The following PLCXD1 variants were observed in gnomAD, a reference collection of about 807,000 sequenced individuals.
PLCXD1 encodes the protein phosphatidylinositol specific phospholipase C X domain containing 1, also known as PI-PLC X domain-containing protein 1.
A neutral mutation model predicts 37.8 loss-of-function variants in PLCXD1; 45 were observed. The observed-to-expected ratio is 1.19, with a 90% CI of 0.94 to 1.53. The LOEUF is 1.53. Among genes scored for constraint, PLCXD1 ranks in the 40% most tolerant of loss-of-function variants. The pLI is 0.00. For missense variants in PLCXD1, 539 were observed against 454.7 expected (o/e 1.19, Z -1.69); for synonymous variants, 246 against 206.9 (o/e 1.19, Z -1.62).
At chrX:289,295 G>C (rs1056818967) in intron 3 of PLCXD1, among the ~76,000 whole-genome samples, 14 of 152,126 alleles carry the variant, frequency 9.2e-5, no homozygotes, top group African/African-American at 3.4e-4. Context: ...TACCGTGTTA[G>C]TCAGGATGGT....
At chrX:296,909 TTTGGGGCCATTATTCTGTCTATCA>T (rs1422331501) in intron 6 of PLCXD1, among the ~76,000 whole-genome samples, 4,214 of 145,616 alleles carry the variant, frequency 0.029, no homozygotes, top group East Asian at 0.042. Context: ...CGTGGACATC[TTTGGGGCCATTATTCTGTCTATCA>T]CATGGGGATT....
At chrX:293,996 C>A (rs772546018) in intron 6 of PLCXD1, among the ~76,000 whole-genome samples, 1 of 152,082 alleles carries the variant, frequency 6.6e-6, no homozygotes, top group Non-Finnish European at 1.5e-5. Context: ...TTAGTTAATT[C>A]TTTGATTAGA....
At chrX:288,256 G>C (rs2069518975) in intron 2 of PLCXD1, among the ~76,000 whole-genome samples, 1 of 151,932 alleles carries the variant, frequency 6.6e-6, no homozygotes, top group African/African-American at 2.4e-5. Context: ...GACTTGAACA[G>C]CTCTTTTGGG....
Position 284,207 on chromosome X carries a change from C to T in PLCXD1, c.20C>T (p.Ala7Val), listed in dbSNP as rs767784272. 4 of 1,613,388 alleles carry T rather than the reference C, an allele frequency of 2.5e-6. No individual in the cohort carries two copies. Among genetic ancestry groups the T allele is most frequent in the Non-Finnish European group, 3.4e-6 (4 of 1,179,792 alleles). ...CCTCTGATGGGTGGGCAGGTGAGCG[C>T]TTCCAACAGCTTCTCGAGGCTGCAC... Reference protein sequence around the residue: MGGQVSASNSFSRLHCR... With the variant: MGGQVSVSNSFSRLHCR... The change falls in exon 2 of 7, where the codon GCT becomes GTT. Residue 7 changes from alanine (A) to valine (V), a missense_variant. Physicochemically the swap from Ala to Val is moderately conservative, Grantham distance 64 (BLOSUM62 0). Coordinates refer to ENST00000381657, the MANE Select transcript of PLCXD1 (RefSeq NM_018390.4).
chrX:299,673 C>T lies in PLCXD1; in HGVS notation c.*338C>T. 1 of 420,776 alleles carries T rather than the reference C, an allele frequency of 2.4e-6. No homozygotes were observed. Among genetic ancestry groups the T allele is most frequent in the Admixed American group, 4.0e-5 (1 of 24,834 alleles). 26.1% of individuals were successfully genotyped at this position (420,776 alleles called of 1,614,324 possible). On this transcript the variant is annotated 3_prime_UTR_variant, in exon 7 of 7. Coordinates refer to ENST00000381657, the MANE Select transcript of PLCXD1 (RefSeq NM_018390.4). Reference sequence around the variant, plus strand: ...TCGGGAGGCTCAGGCAGGAGAACTGCTTGAAGCCGGGAGATGGAGGTTGCA... The same window carrying T: ...TCGGGAGGCTCAGGCAGGAGAACTGTTTGAAGCCGGGAGATGGAGGTTGCA...
At chrX:284,370 G>T in intron 2 of PLCXD1, 56 bp downstream of exon 2, 2 of 1,601,644 alleles carry the variant, frequency 1.2e-6, no homozygotes, top group Non-Finnish European at 1.7e-6. Flanking sequence ...CGGCAGGGTG[G>T]GGCGGGAGCT....
chrX:300,913 G>A lies in PLCXD1; in HGVS notation c.*1578G>A, dbSNP rs924495694. On this transcript the variant is annotated 3_prime_UTR_variant, in exon 7 of 7. Transcript: ENST00000381657. ...AGACGGGGTTTCTCCGCGTTGGTCAGGCCGTTCTCAAACTTCTGACCTCAG... is the reference window on the plus strand; with the variant it reads ...AGACGGGGTTTCTCCGCGTTGGTCAAGCCGTTCTCAAACTTCTGACCTCAG... 1 of 152,138 alleles carries A rather than the reference G, an allele frequency of 6.6e-6. No individual in the cohort carries two copies. Among genetic ancestry groups the A allele is most frequent in the African/African-American group, 2.4e-5 (1 of 41,414 alleles). 9.4% of individuals were successfully genotyped at this position (152,138 alleles called of 1,614,324 possible). A position where few individuals can be genotyped will look rare whatever the true frequency, so the allele number is the denominator to read the frequency against.
At chrX:286,998 G>A (rs2069467252) in intron 2 of PLCXD1, among the ~76,000 whole-genome samples, 1 of 151,782 alleles carries the variant, frequency 6.6e-6, no homozygotes, top group African/African-American at 2.4e-5. Flanking sequence ...TTCCTCAGAG[G>A]ATGTAAAGGG....
At chrX:286,860 G>T (rs1370781218) in intron 2 of PLCXD1, among the ~76,000 whole-genome samples, 1 of 152,000 alleles carries the variant, frequency 6.6e-6, no homozygotes, top group East Asian at 1.9e-4. Flanking sequence ...TAGGCAAGGT[G>T]GGGGTAGGGG....
chrX:299,198 C>T lies in PLCXD1; in HGVS notation c.835C>T (p.Arg279Trp), dbSNP rs150834370. 6.8e-6 allele frequency: 11 copies of T among 1,613,760 alleles called. No homozygotes were observed. The highest frequency in any genetic ancestry group is 2.2e-5 in the East Asian group (1 of 44,890). The part of the protein sequence containing the change: ...LEKMTLPNLP[R>W]LSAWVREQCP... ...GAAGATGACGCTGCCCAACCTTCCG[C>T]GGCTGAGCGCGTGGGTCCGAGAGCA... is the stretch of plus-strand genomic sequence containing the variant. The change falls in exon 7 of 7, where the codon CGG (arginine) becomes TGG (tryptophan). Residue 279 changes from arginine (R) to tryptophan (W), a missense_variant. Arg to Trp is a moderately radical substitution (Grantham distance 101, BLOSUM62 -3). Coordinates refer to ENST00000381657, the MANE Select transcript of PLCXD1 (RefSeq NM_018390.4).
intron 6 of PLCXD1, among the ~76,000 whole-genome samples, chrX:296,267 C>T (rs769573406): frequency 6.6e-5 from 10 of 152,248 alleles, no homozygotes; most frequent in East Asian, 5.8e-4. Context: ...ATTACGGGCA[C>T]GTACCACCAT....
chrX:299,490 G>C lies in PLCXD1; in HGVS notation c.*155G>C. ...AATAGAGATGGGGTGGCTGGGCGTG[G>C]TGACTTCGCCTGTCTTCCCAGCACT... On this transcript the variant is annotated 3_prime_UTR_variant, in exon 7 of 7. Coordinates refer to ENST00000381657, the MANE Select transcript of PLCXD1 (RefSeq NM_018390.4). 1 of 668,350 alleles carries C rather than the reference G, an allele frequency of 1.5e-6. No individual in the cohort carries two copies. The allele number at this position is 668,350 out of a possible 1,614,324, so 41.4% of individuals were successfully genotyped here.
At position 293,120 on chromosome X, in the gene PLCXD1, A is replaced by C; in HGVS notation, c.635A>C (p.His212Pro). 1.2e-6 allele frequency: 2 copies of C among 1,612,490 alleles called. No individual in the cohort carries two copies. The highest frequency in any genetic ancestry group is 1.7e-6 in the Non-Finnish European group (2 of 1,179,744). ...YEDESSLRRH[H>P]ELWPGVPYWW... ...GACGAGAGCTCCTTGCGCCGGCACC[A>C]CGAGCTGTGGCCAGGAGTCCCCTAC... is the stretch of plus-strand genomic sequence containing the variant. Residue 212 changes from histidine to proline, a missense_variant, in exon 6 of 7, where the codon CAC becomes CCC. His to Pro is a moderately conservative substitution (Grantham distance 77). Coordinates refer to ENST00000381657, the MANE Select transcript of PLCXD1 (RefSeq NM_018390.4).
upstream of PLCXD1, chrX:281,256 G>C (rs1236680003): frequency 2.1e-5 from 4 of 192,784 alleles, no homozygotes; most frequent in Non-Finnish European, 3.2e-5. Context: ...CCGCGGTACA[G>C]GTGTGGTTGC....
chrX:292,643 C>T (rs1374759142), intron 5 of PLCXD1, among the ~76,000 whole-genome samples: 10 of 150,170 alleles, frequency 6.7e-5, no homozygotes, highest in Non-Finnish European at 1.2e-4. Context: ...GAGGGAGTCT[C>T]GGTCTGTCTC....
At chrX:285,371 CATGTAT>C (rs892040382) in intron 2 of PLCXD1, among the ~76,000 whole-genome samples, 2 of 147,476 alleles carry the variant, frequency 1.4e-5, no homozygotes, top group Admixed American at 6.6e-5. Flanking sequence ...CACATGCACA[CATGTAT>C]ATATATATTT....
rs2069979705 is a variant in PLCXD1 at position 300,544 on chromosome X, ATATGTG to A, written c.*1214_*1219del. The A allele has an allele frequency of 1.0e-5, 1 of 95,404 alleles. No homozygotes were observed. Among genetic ancestry groups the A allele is most frequent in the African/African-American group, 5.8e-5 (1 of 17,120 alleles). The allele number at this position is 95,404 out of a possible 1,614,324, so 5.9% of individuals were successfully genotyped here. A position where few individuals can be genotyped will look rare whatever the true frequency, so the allele number is the denominator to read the frequency against. ...TGTGTATACGTGTATGCATACATGT[ATATGTG>A]TATGCATGTATATGTGTATGTGTAC... On this transcript the variant is annotated 3_prime_UTR_variant, in exon 7 of 7. Transcript: ENST00000381657.
chrX:284,141 CCT>C (rs2069367494), intron 1 of PLCXD1, 24 bp from the exon 2 acceptor site: 2 of 1,605,484 alleles, frequency 1.2e-6, no homozygotes, highest in African/African-American at 2.7e-5. Context: ...CCGTAAAAAA[CCT>C]CTTTTCCTCT....
Position 291,633 on chromosome X carries a change from G to A in PLCXD1, c.528G>A (p.Gly176=). 2 of 1,612,746 alleles carry A rather than the reference G, an allele frequency of 1.2e-6. No individual in the cohort carries two copies. Among genetic ancestry groups the A allele is most frequent in the Non-Finnish European group, 1.7e-6 (2 of 1,179,852 alleles). ...YLVACIKNIF[G]DMLCPRGEVP... is the part of the protein sequence containing the mutation. ...TCGCCTGTATCAAGAACATCTTCGGGGACATGCTGTGTCCTCGTGGGGTGA... is the reference window on the plus strand; with the variant it reads ...TCGCCTGTATCAAGAACATCTTCGGAGACATGCTGTGTCCTCGTGGGGTGA... The change falls in exon 5 of 7, where the codon GGG becomes GGA. Residue 176 remains glycine (G), a synonymous_variant. Transcript: ENST00000381657.
Sources: gnomAD v4.1 joint callset for allele counts (sites outside exome capture counted in the v4.1 genomes callset) on GRCh38, gnomAD v4.1.1 for gene constraint, MANE v1.5 for transcripts, NCBI Gene and HGNC (gene_info 2026-07-23, HGNC 2026-07-21) for gene names.